CPA4: variants seen among roughly 807,000 people sequenced by gnomAD.
The protein encoded by CPA4 is carboxypeptidase A3.
A neutral mutation model predicts 54.7 loss-of-function variants in CPA4; 49 were observed. That is an observed-to-expected ratio of 0.90 (90% CI 0.71 to 1.14). The LOEUF (loss-of-function observed/expected upper bound fraction) is 1.14, where lower values mean the gene tolerates loss of function less well. Among genes scored for constraint, CPA4 ranks in the 50% most tolerant of loss-of-function variants. The pLI is 0.00. For missense variants in CPA4, 487 were observed against 525.1 expected, an observed-to-expected ratio of 0.93 and a Z score of 0.71; for synonymous variants, 215 against 206.8, an observed-to-expected ratio of 1.04 and a Z score of -0.34.
chr7:130,321,887 C>A (rs966718881), intron 10 of CPA4, among the ~76,000 whole-genome samples: 3 of 152,168 alleles, frequency 2.0e-5, no homozygotes, highest in Non-Finnish European at 2.9e-5. Flanking sequence ...GGGACACAGC[C>A]AAACCATATC....
In CPA4 at chr7:130,310,948, G is replaced by A. The variant is rs1456558994; in HGVS notation, c.955G>A (p.Gly319Arg). 2 of 1,613,998 alleles carry A rather than the reference G, an allele frequency of 1.2e-6. No homozygotes were observed. Among genetic ancestry groups the A allele is most frequent in the South Asian group, 1.1e-5 (1 of 91,082 alleles). ...CTCGCAGCTGCTGATGTATCCATAT[G>A]GGTACTCAGTCAAAAAGGCCCCAGA... is the stretch of plus-strand genomic sequence containing the variant. ...SYSQLLMYPYGYSVKKAPDAE... is the reference protein window; with the variant it reads ...SYSQLLMYPYRYSVKKAPDAE... The change falls in exon 9 of 11, where the codon GGG becomes AGG. Residue 319 changes from glycine (G) to arginine (R), a missense_variant. Gly to Arg is a moderately radical substitution (Grantham distance 125, BLOSUM62 -2). Coordinates refer to ENST00000222482, the MANE Select transcript of CPA4 (RefSeq NM_016352.4). This position sits in a 1 kb window ranked among gnomAD's most constrained non-coding sequence, Gnocchi z 4.3.
chr7:130,306,951 C>T (rs1793831532), intron 7 of CPA4, 54 bp downstream of exon 7: 1 of 944,794 alleles, frequency 1.1e-6, no homozygotes. Flanking sequence ...CTTGCTTTGC[C>T]ACTAATTGTC....
chr7:130,298,046 A>C (rs1793677309), intron 1 of CPA4, among the ~76,000 whole-genome samples: 1 of 152,068 alleles, frequency 6.6e-6, no homozygotes, highest in Non-Finnish European at 1.5e-5. Flanking sequence ...CCCCGTAGGG[A>C]GGAGTGGATC....
At chr7:130,309,851 G>C (rs906422791) in intron 8 of CPA4, among the ~76,000 whole-genome samples, 17 of 152,216 alleles carry the variant, frequency 1.1e-4, no homozygotes, top group African/African-American at 3.6e-4. Context: ...CTGCAGCCTC[G>C]ACATCCTGGA....
At chr7:130,301,419 A>G (rs1049398272) in intron 4 of CPA4, among the ~76,000 whole-genome samples, 2 of 152,216 alleles carry the variant, frequency 1.3e-5, no homozygotes, top group Non-Finnish European at 2.9e-5. Flanking sequence ...CTGACTTTCA[A>G]GGTAAGCCAA....
chr7:130,303,393 T>A (rs919828043), intron 4 of CPA4, among the ~76,000 whole-genome samples: 1 of 152,342 alleles, frequency 6.6e-6, no homozygotes, highest in East Asian at 1.9e-4. Context: ...GATAGTCCAC[T>A]GGGATGAAGG....
At chr7:130,317,697 G>C (rs557373171) in intron 10 of CPA4, among the ~76,000 whole-genome samples, 2 of 152,230 alleles carry the variant, frequency 1.3e-5, no homozygotes, top group Admixed American at 1.3e-4. Flanking sequence ...AAACTCCTGG[G>C]CTCAAGCAAT....
chr7:130,308,465 A>T, intron 8 of CPA4, 68 bp downstream of exon 8: 1 of 1,312,472 alleles, frequency 7.6e-7, no homozygotes, highest in Non-Finnish European at 1.1e-6. Flanking sequence ...CAGTGCTCTG[A>T]GCTGGCCGGG....
rs375388548 is a variant in CPA4 at position 130,293,161 on chromosome 7, A to G, written c.-20A>G. ...AAATACAGCTTGACTCAGCCACTGT[A>G]TGACTGACTCCCCGGGGACATGAGG... On this transcript the variant is annotated 5_prime_UTR_variant, in exon 1 of 11. It removes an upstream start codon present in the reference 5' UTR. Coordinates refer to ENST00000222482, the MANE Select transcript of CPA4 (RefSeq NM_016352.4). 10 of 1,519,814 alleles carry G rather than the reference A, an allele frequency of 6.6e-6. No homozygotes were observed. The highest frequency in any genetic ancestry group is 9.1e-6 in the Non-Finnish European group (10 of 1,094,244). 94.1% of individuals were successfully genotyped at this position (1,519,814 alleles called of 1,614,324 possible).
intron 10 of CPA4, among the ~76,000 whole-genome samples, chr7:130,318,369 G>C (rs1794023830): frequency 6.6e-6 from 1 of 152,168 alleles, no homozygotes; most frequent in Admixed American, 6.5e-5. Flanking sequence ...GAGGAGGAAG[G>C]CTCTCCCGAG....
At chr7:130,298,059 A>G (rs761175321) in intron 1 of CPA4, among the ~76,000 whole-genome samples, 19 of 152,140 alleles carry the variant, frequency 1.2e-4, no homozygotes, top group Non-Finnish European at 2.2e-4. Context: ...AGTGGATCCT[A>G]CATCCAGCCT....
chr7:130,308,850 C>CTTTTTTTTTTTT (rs1249548992), intron 8 of CPA4, among the ~76,000 whole-genome samples: 1 of 120,274 alleles, frequency 8.3e-6, no homozygotes, highest in African/African-American at 3.6e-5. Context: ...CTAGCCCAGC[C>CTTTTTTTTTTTT]TTTTTTTTTT....
In CPA4 at chr7:130,323,452, C is replaced by T. The variant is rs1794156608; in HGVS notation, c.*776C>T. The T allele has an allele frequency of 6.6e-6, 1 of 152,356 alleles. No individual in the cohort carries two copies. Among genetic ancestry groups the T allele is most frequent in the African/African-American group, 2.4e-5 (1 of 41,452 alleles). 9.4% of individuals were successfully genotyped at this position (152,356 alleles called of 1,614,324 possible). On this transcript the variant is annotated 3_prime_UTR_variant, in exon 11 of 11. Transcript: ENST00000222482. ...CAGGCTGGTCTCAAACTCCCAACCT[C>T]AGGTGATCTGCCCTCCTTGGCCTCC... is the stretch of plus-strand genomic sequence containing the variant.
Position 130,293,241 on chromosome 7 carries a change from T to C in CPA4, c.61T>C (p.Phe21Leu), listed in dbSNP as rs372839202. The change falls in exon 1 of 11, where the codon TTT (phenylalanine) becomes CTT (leucine). Residue 21 changes from phenylalanine (F) to leucine (L), a missense_variant. Coordinates refer to ENST00000222482, the MANE Select transcript of CPA4 (RefSeq NM_016352.4). The part of the protein sequence containing the change: ...IGSSICGQEK[F>L]FGDQVLRINV... ...GTCCAGCATCTGTGGCCAAGAAAAATTTTTTGGGTAAGTTCCTTTTGGACT... is the reference window on the plus strand; with the variant it reads ...GTCCAGCATCTGTGGCCAAGAAAAACTTTTTGGGTAAGTTCCTTTTGGACT... 1 of 1,599,872 alleles carries C rather than the reference T, an allele frequency of 6.3e-7. No homozygotes were observed. The highest frequency in any genetic ancestry group is 8.6e-7 in the Non-Finnish European group (1 of 1,167,766).
intron 1 of CPA4, among the ~76,000 whole-genome samples, chr7:130,296,516 T>A (rs999258894): frequency 1.3e-5 from 2 of 152,140 alleles, no homozygotes; most frequent in African/African-American, 4.8e-5. Flanking sequence ...ATGATTTTCA[T>A]ACTCAAAGAG....
chr7:130,296,175 T>TTTACAAAA (rs1793645393), intron 1 of CPA4, among the ~76,000 whole-genome samples: 1 of 152,180 alleles, frequency 6.6e-6, no homozygotes, highest in East Asian at 1.9e-4. Flanking sequence ...GGGAACAGCG[T>TTTACAAAA]GTACAAAAGC....
At chr7:130,314,406 G>T (rs1341747617) in intron 10 of CPA4, among the ~76,000 whole-genome samples, 1 of 152,220 alleles carries the variant, frequency 6.6e-6, no homozygotes, top group South Asian at 2.1e-4. Context: ...GATAATCGCT[G>T]ACCAGGGTGT....
chr7:130,305,998 G>A (rs1793814651), intron 6 of CPA4, 78 bp downstream of exon 6: 1 of 1,201,874 alleles, frequency 8.3e-7, no homozygotes. Context: ...CTGGGCCTGG[G>A]GCACGAGGTG....
intron 1 of CPA4, among the ~76,000 whole-genome samples, chr7:130,294,799 T>C (rs1333579325): frequency 6.6e-6 from 1 of 152,208 alleles, no homozygotes; most frequent in African/African-American, 2.4e-5. Flanking sequence ...TCCTGGGCTC[T>C]CTAGAGGTGT....
Sources: allele counts gnomAD v4.1 joint callset (sites outside exome capture counted in the v4.1 genomes callset), GRCh38; gene constraint gnomAD v4.1.1; non-coding constraint Gnocchi (gnomAD v3.1); transcripts MANE v1.5; gene names NCBI Gene and HGNC (gene_info 2026-07-23, HGNC 2026-07-21).